ARHGAP26: variants seen among roughly 807,000 people sequenced by gnomAD.
ARHGAP26 encodes the protein Rho GTPase activating protein 26, also known as rho GTPase-activating protein 26.
Under a neutral mutation model 104.8 loss-of-function variants are expected in ARHGAP26, and 38 were observed. That is an observed-to-expected ratio of 0.36 (90% confidence interval 0.28 to 0.48). The LOEUF is 0.48. Among genes scored for constraint, ARHGAP26 ranks in the 20% least tolerant of loss-of-function variants. ARHGAP26 has a pLI of 0.99. For synonymous variants in ARHGAP26, 341 were observed against 340.0 expected, an observed-to-expected ratio of 1.00 and a Z score of -0.03; for missense variants, 704 against 947.9, an observed-to-expected ratio of 0.74 and a Z score of 3.38.
In ARHGAP26 at chr5:142,854,988, A is replaced by G. The variant is rs564070896; in HGVS notation, c.155-18412A>G. On this transcript the variant is annotated intron_variant, in intron 1 of 22. Coordinates refer to ENST00000645722, the MANE Select transcript of ARHGAP26 (RefSeq NM_001135608.3). ...CTTGTGGTATCCTTCCCTTGCCTCCACATCATATATGACAGTAAAGTGTTT... is the reference window on the plus strand; with the variant it reads ...CTTGTGGTATCCTTCCCTTGCCTCCGCATCATATATGACAGTAAAGTGTTT... Among the ~76,000 whole-genome samples the G allele has an allele frequency of 1.8e-4, 27 of 152,222 alleles. No individual in the cohort carries two copies. In the East Asian group the frequency reaches 5.2e-3, roughly 29 times the overall value.
intron 1 of ARHGAP26, among the ~76,000 whole-genome samples, chr5:142,781,981 C>T (rs1426327772): frequency 6.6e-6 from 1 of 152,196 alleles, no homozygotes; most frequent in Non-Finnish European, 1.5e-5. Context: ...TCCCAGAGTG[C>T]TGGGATTACA....
chr5:143,206,919 G>A (rs1359930561), intron 20 of ARHGAP26, among the ~76,000 whole-genome samples: 1 of 152,228 alleles, frequency 6.6e-6, no homozygotes, highest in Non-Finnish European at 1.5e-5. Flanking sequence ...CAGGGCATTT[G>A]TCGCCAATGT....
chr5:142,983,180 G>A (rs1482575483), intron 11 of ARHGAP26, among the ~76,000 whole-genome samples: 4 of 152,088 alleles, frequency 2.6e-5, no homozygotes, highest in Admixed American at 6.5e-5. Flanking sequence ...GCTACCCCAC[G>A]GTGAATTAGA....
intron 17 of ARHGAP26, among the ~76,000 whole-genome samples, chr5:143,062,185 A>G (rs1786811303): frequency 6.6e-6 from 1 of 152,252 alleles, no homozygotes; most frequent in Non-Finnish European, 1.5e-5. Context: ...TTTTTGTAGG[A>G]GAGATGAGTA....
At chr5:142,794,559 G>A (rs1760572049) in intron 1 of ARHGAP26, among the ~76,000 whole-genome samples, 2 of 152,246 alleles carry the variant, frequency 1.3e-5, no homozygotes, top group Admixed American at 1.3e-4. Flanking sequence ...ATTCAAATTT[G>A]TAGGGGGAAA....
At chr5:142,960,005 G>C (rs931530317) in intron 11 of ARHGAP26, among the ~76,000 whole-genome samples, 3 of 152,202 alleles carry the variant, frequency 2.0e-5, no homozygotes, top group Admixed American at 6.5e-5. Context: ...AATAGAAATG[G>C]CCTCTAGGCA....
At chr5:143,038,863 T>G (rs1199278337) in intron 13 of ARHGAP26, among the ~76,000 whole-genome samples, 1 of 151,902 alleles carries the variant, frequency 6.6e-6, no homozygotes, top group East Asian at 1.9e-4. Flanking sequence ...GTCCAGCTAA[T>G]TTTTGTATTT....
At chr5:142,955,095 T>TGC (rs1769010091) in intron 11 of ARHGAP26, among the ~76,000 whole-genome samples, 1 of 52,622 alleles carries the variant, frequency 1.9e-5, no homozygotes, top group South Asian at 1.3e-3. Flanking sequence ...GAGACCTGTC[T>TGC]ACACACACAC....
At chr5:142,824,164 C>T (rs1424345555) in intron 1 of ARHGAP26, among the ~76,000 whole-genome samples, 1 of 152,108 alleles carries the variant, frequency 6.6e-6, no homozygotes, top group East Asian at 1.9e-4. Context: ...ACATTTGCTG[C>T]AGTTCGCGTT....
chr5:142,846,770 C>T (rs1183997389), intron 1 of ARHGAP26, among the ~76,000 whole-genome samples: 1 of 152,172 alleles, frequency 6.6e-6, no homozygotes, highest in African/African-American at 2.4e-5. Flanking sequence ...AGTAGTTTGG[C>T]AGATGTCCTT....
At chr5:142,895,472 C>T (rs1048196389) in intron 6 of ARHGAP26, among the ~76,000 whole-genome samples, 8 of 152,184 alleles carry the variant, frequency 5.3e-5, no homozygotes, top group East Asian at 1.9e-4. Flanking sequence ...CCCCGTGATC[C>T]GCCCGCCTCG....
intron 5 of ARHGAP26, 72 bp downstream of exon 5, chr5:142,885,471 C>A: frequency 1.5e-6 from 2 of 1,378,382 alleles, no homozygotes; most frequent in Non-Finnish European, 2.0e-6. Flanking sequence ...GTGCTGGTTG[C>A]TCTTTGCTAG....
chr5:143,058,047 G>A (rs1334387992), intron 17 of ARHGAP26: 2 of 579,408 alleles, frequency 3.5e-6, no homozygotes, highest in East Asian at 7.2e-5. Flanking sequence ...CATGATACCA[G>A]GTCACCACAC....
intron 5 of ARHGAP26, among the ~76,000 whole-genome samples, chr5:142,892,178 T>C (rs1481160009): frequency 3.3e-5 from 5 of 151,996 alleles, no homozygotes; most frequent in Non-Finnish European, 7.3e-5. Context: ...TTTTCTGAGA[T>C]TCCCTGCCCT....
At chr5:142,823,978 A>G (rs1458281525) in intron 1 of ARHGAP26, among the ~76,000 whole-genome samples, 2 of 152,242 alleles carry the variant, frequency 1.3e-5, no homozygotes, top group African/African-American at 4.8e-5. Flanking sequence ...TAACAAAGCA[A>G]TGGATGAGTA....
intron 1 of ARHGAP26, among the ~76,000 whole-genome samples, chr5:142,793,883 G>A (rs1760398414): frequency 6.6e-6 from 1 of 152,272 alleles, no homozygotes; most frequent in East Asian, 1.9e-4. Context: ...ACCATGCCCA[G>A]CCTCAGTTGG....
intron 1 of ARHGAP26, among the ~76,000 whole-genome samples, chr5:142,819,365 T>G (rs985212471): frequency 1.3e-5 from 2 of 152,022 alleles, no homozygotes; most frequent in East Asian, 3.9e-4. Flanking sequence ...ACTGATGGGG[T>G]AGACAGGTCA....
At chr5:142,984,002 A>G (rs960438777) in intron 11 of ARHGAP26, among the ~76,000 whole-genome samples, 53 of 152,236 alleles carry the variant, frequency 3.5e-4, no homozygotes, top group Non-Finnish European at 5.9e-5. Flanking sequence ...GATAGGCCAC[A>G]TGGGACAAAT....
chr5:142,823,590 T>C (rs1766632281), intron 1 of ARHGAP26, among the ~76,000 whole-genome samples: 1 of 152,138 alleles, frequency 6.6e-6, no homozygotes, highest in South Asian at 2.1e-4. Context: ...CTCAAAGCAC[T>C]GATCATAAGC....
Sources: gnomAD v4.1 joint callset for allele counts (sites outside exome capture counted in the v4.1 genomes callset) on GRCh38, gnomAD v4.1.1 for gene constraint, MANE v1.5 for transcripts, NCBI Gene and HGNC (gene_info 2026-07-23, HGNC 2026-07-21) for gene names.